CC2D1B: variants seen among roughly 807,000 people sequenced by gnomAD.
CC2D1B encodes the protein coiled-coil and C2 domain-containing protein 1B.
Under a neutral mutation model 110.8 loss-of-function variants are expected in CC2D1B, and 92 were observed. The observed-to-expected ratio is 0.83, with a 90% CI of 0.70 to 0.99. The LOEUF is 0.99. CC2D1B is among the 50% of genes least tolerant of loss of function. The pLI is 0.00. For missense variants in CC2D1B, 1,136 were observed against 1,089.0 expected (o/e 1.04, Z -0.61); for synonymous variants, 406 against 429.2 (o/e 0.95, Z 0.67).
intron 12 of CC2D1B, 58 bp downstream of exon 12, chr1:52,358,628 T>C: frequency 1.0e-5 from 16 of 1,583,666 alleles, no homozygotes; most frequent in South Asian, 1.1e-5. Context: ...CTGTCCCCCA[T>C]TCCCTTCTTG....
At chr1:52,363,132 C>T (rs1324199406) in intron 2 of CC2D1B, among the ~76,000 whole-genome samples, 1 of 152,138 alleles carries the variant, frequency 6.6e-6, no homozygotes, top group Non-Finnish European at 1.5e-5. Context: ...CGGTGGCTCA[C>T]GCCTGTAATC....
chr1:52,354,285 C>G, intron 23 of CC2D1B: 2 of 528,898 alleles, frequency 3.8e-6, no homozygotes, highest in South Asian at 3.2e-5. Flanking sequence ...CAAGGACACA[C>G]CATATGAGCT....
intron 14 of CC2D1B, 21 bp downstream of exon 14, chr1:52,357,760 C>T (rs555615637): frequency 6.3e-7 from 1 of 1,597,740 alleles, no homozygotes; most frequent in South Asian, 1.1e-5. Flanking sequence ...CAGTTCTTCA[C>T]CCTGCTTGTC....
Position 52,358,385 on chromosome 1 carries a change from T to G in CC2D1B, c.1407A>C (p.Ala469=), listed in dbSNP as rs756204168. The G allele has an allele frequency of 6.2e-7, 1 of 1,614,158 alleles. No individual in the cohort carries two copies. The highest frequency in any genetic ancestry group is 1.7e-5 in the Admixed American group (1 of 60,020). ...AATCCTCTGCAGAGGCCAGTTTCTC[T>G]GCAGCTGCCAATGTCGCTGCCACTG... is the stretch of plus-strand genomic sequence containing the variant. The part of the protein sequence containing the change: ...EDAVAATLAA[A]EKLASAEDSA... The change falls in exon 13 of 25, where the codon GCA becomes GCC. Residue 469 remains alanine (A), a synonymous_variant. Coordinates refer to ENST00000284376, the MANE Select transcript of CC2D1B (RefSeq NM_001330585.2).
In CC2D1B at chr1:52,364,667, T is replaced by G. The variant is rs368223300; in HGVS notation, c.-14-33A>C. ...AGAGTTACAGAGATTCAGGCTGGAGTAGCCCATAAGCCACGCCCCCAACAG... is the reference window on the plus strand; with the variant it reads ...AGAGTTACAGAGATTCAGGCTGGAGGAGCCCATAAGCCACGCCCCCAACAG... On this transcript the variant is annotated intron_variant, in intron 1 of 24. Coordinates refer to ENST00000284376, the MANE Select transcript of CC2D1B (RefSeq NM_001330585.2). 20 of 1,483,474 alleles carry G rather than the reference T, an allele frequency of 1.3e-5. No homozygotes were observed. The African/African-American group carries it at 1.7e-4, about 12-fold the overall frequency. The allele number at this position is 1,483,474 out of a possible 1,614,324, so 91.9% of individuals were successfully genotyped here.
chr1:52,365,218 A>C (rs1189493585), intron 1 of CC2D1B, among the ~76,000 whole-genome samples: 1 of 152,258 alleles, frequency 6.6e-6, no homozygotes, highest in African/African-American at 2.4e-5. Context: ...CTCCTGTGTC[A>C]GACCTTGCGC....
chr1:52,358,067 G>C, intron 13 of CC2D1B, 169 bp from the exon 14 acceptor site: 1 of 1,079,604 alleles, frequency 9.3e-7, no homozygotes, highest in Non-Finnish European at 1.3e-6. Context: ...AGCAGCCTCA[G>C]AAGCTCTCAC....
At chr1:52,354,443 G>A (rs758705154) in intron 23 of CC2D1B, 165 bp downstream of exon 23, 6 of 736,222 alleles carry the variant, frequency 8.1e-6, no homozygotes, top group Non-Finnish European at 1.5e-5. Flanking sequence ...CAGACCTTCT[G>A]AACCTCTCCA....
At chr1:52,357,159 G>A (rs979995969) in intron 15 of CC2D1B, 33 bp from the exon 16 acceptor site, 11 of 1,612,472 alleles carry the variant, frequency 6.8e-6, no homozygotes, top group Non-Finnish European at 9.3e-6. Context: ...CGGGCCCCAA[G>A]AGTCAGATTA....
Position 52,364,632 on chromosome 1 carries a change from T to C in CC2D1B, c.-12A>G, listed in dbSNP as rs1250752698. ...GGCCCTGGCATCATGGCAGCCTAGA[T>C]ACCTATGGAAGAGTTACAGAGATTC... On this transcript the variant is annotated splice_region_variant and 5_prime_UTR_variant, in exon 2 of 25. Transcript: ENST00000284376. The C allele has an allele frequency of 1.9e-6, 3 of 1,602,506 alleles. No individual in the cohort carries two copies. In the East Asian group the frequency reaches 6.7e-5, roughly 36 times the overall value.
At chr1:52,358,166 G>A (rs1400797082) in intron 13 of CC2D1B, 165 bp downstream of exon 13, 1 of 1,027,386 alleles carries the variant, frequency 9.7e-7, no homozygotes, top group African/African-American at 1.6e-5. Flanking sequence ...TTGAATCCTA[G>A]TTCTGCTATT....
intron 16 of CC2D1B, 106 bp from the exon 17 acceptor site, chr1:52,356,548 CCT>C (rs1646657263): frequency 8.6e-7 from 1 of 1,157,924 alleles, no homozygotes; most frequent in Non-Finnish European, 1.3e-6. Context: ...TGTAGCCTCA[CCT>C]CTCTCCTCCC....
rs1295651892 is a variant in CC2D1B, at chr1:52,359,062, C to T, written c.1222G>A (p.Glu408Lys). ...AGIQARSGGD[E>K]RKARMHERIA... ...CGCTCATGCATCCGAGCCTTGCGCT[C>T]GTCCCCACCACTCCGGGCCTGGATG... Residue 408 changes from glutamate to lysine, a missense_variant, in exon 11 of 25, where the codon GAG becomes AAG. Glu to Lys is a moderately conservative substitution (Grantham distance 56). Coordinates refer to ENST00000284376, the MANE Select transcript of CC2D1B (RefSeq NM_001330585.2). 2.4e-5 allele frequency: 38 copies of T among 1,608,178 alleles called. No homozygotes were observed. Among genetic ancestry groups the T allele is most frequent in the Non-Finnish European group, 3.0e-5 (35 of 1,180,010 alleles).
chr1:52,361,686 G>T, intron 3 of CC2D1B, 70 bp from the exon 4 acceptor site: 1 of 1,578,590 alleles, frequency 6.3e-7, no homozygotes, highest in Non-Finnish European at 8.7e-7. Flanking sequence ...GGAGGGGCTT[G>T]GTAGATCCAC....
chr1:52,360,422 AC>A lies in CC2D1B; in HGVS notation c.603+1del. 2 of 1,611,974 alleles carry A rather than the reference AC, an allele frequency of 1.2e-6. No individual in the cohort carries two copies. The highest frequency in any genetic ancestry group is 1.7e-6 in the Non-Finnish European group (2 of 1,179,438). On this transcript the variant is annotated splice_donor_variant, in intron 6 of 24. Coordinates refer to ENST00000284376, the MANE Select transcript of CC2D1B (RefSeq NM_001330585.2). LOFTEE classifies it high-confidence loss of function. ...CCCTGCTCCCAGCCTAGCCCGACTC[AC>A]CTTCAGGCCGCGCTCGCAGCGCCTG...
chr1:52,360,771 G>C (rs573627746), intron 5 of CC2D1B: 47 of 892,606 alleles, frequency 5.3e-5, no homozygotes, highest in Non-Finnish European at 7.0e-5. Flanking sequence ...TGGCTCCCGG[G>C]GGGTAGTCTA....
At chr1:52,355,211 G>A (rs977055854) in intron 21 of CC2D1B, among the ~76,000 whole-genome samples, 187 bp downstream of exon 21, 2 of 152,304 alleles carry the variant, frequency 1.3e-5, no homozygotes, top group East Asian at 3.9e-4. Context: ...TCCTTGCCAT[G>A]AGGCCCCAGG....
At chr1:52,355,961 G>T in intron 18 of CC2D1B, 117 bp from the exon 19 acceptor site, 1 of 1,072,366 alleles carries the variant, frequency 9.3e-7, no homozygotes, top group Non-Finnish European at 1.4e-6. Flanking sequence ...AGGCAGAGCT[G>T]GTATGCAGAC....
In CC2D1B at chr1:52,358,435, A is replaced by T; in HGVS notation, c.1357T>A (p.Ser453Thr). 6.2e-7 allele frequency: 1 copy of T among 1,613,668 alleles called. No individual in the cohort carries two copies. The highest frequency in any genetic ancestry group is 8.5e-7 in the Non-Finnish European group (1 of 1,179,944). The stretch of plus-strand genomic sequence containing the variant: ...GCGTCCTCCTCAACACCCATAGTGG[A>T]CTCCAGGCCAGGGATGGGGGGAAAT... ...PGFPPIPGLE[S>T]TMGVEEDAVA... The change falls in exon 13 of 25, where the codon TCC (serine) becomes ACC (threonine). Residue 453 changes from serine (S) to threonine (T), a missense_variant. Coordinates refer to ENST00000284376, the MANE Select transcript of CC2D1B (RefSeq NM_001330585.2).
Sources: gnomAD v4.1 joint callset for allele counts (sites outside exome capture counted in the v4.1 genomes callset) on GRCh38, gnomAD v4.1.1 for gene constraint, MANE v1.5 for transcripts, NCBI Gene and HGNC (gene_info 2026-07-23, HGNC 2026-07-21) for gene names.